ST6GALNAC3: variants seen among roughly 807,000 people sequenced by gnomAD.
The protein encoded by ST6GALNAC3 is ST6 N-acetylgalactosaminide alpha-2,6-sialyltransferase 3.
Under a neutral mutation model 32.7 loss-of-function variants are expected in ST6GALNAC3, and 25 were observed. That is an observed-to-expected ratio of 0.76 (90% CI 0.56 to 1.07). The LOEUF (loss-of-function observed/expected upper bound fraction) is 1.07. ST6GALNAC3 is among the 50% of genes least tolerant of loss of function. The pLI, the probability that ST6GALNAC3 is intolerant of heterozygous loss-of-function variation, is 0.00. For synonymous variants in ST6GALNAC3, 129 were observed against 133.1 expected (o/e 0.97, Z 0.21); for missense variants, 355 against 382.4 (o/e 0.93, Z 0.60).
chr1:76,239,124 T>G (rs1449898581), intron 1 of ST6GALNAC3, among the ~76,000 whole-genome samples: 1 of 151,840 alleles, frequency 6.6e-6, no homozygotes, highest in East Asian at 1.9e-4. Context: ...CCTCTTGTCC[T>G]TTTCGCTTCT....
At chr1:76,121,055 CA>C (rs1285108224) in intron 1 of ST6GALNAC3, among the ~76,000 whole-genome samples, 1 of 152,190 alleles carries the variant, frequency 6.6e-6, no homozygotes, top group Non-Finnish European at 1.5e-5. Flanking sequence ...ACTCTGCTTC[CA>C]GCTTTCCCTT....
At chr1:76,309,134 C>T (rs1260566204) in intron 1 of ST6GALNAC3, among the ~76,000 whole-genome samples, 2 of 152,184 alleles carry the variant, frequency 1.3e-5, no homozygotes, top group Non-Finnish European at 2.9e-5. Flanking sequence ...TACCCTTCCT[C>T]TGGCCTCCCA....
At chr1:76,303,370 T>G (rs572463196) in intron 1 of ST6GALNAC3, among the ~76,000 whole-genome samples, 2 of 152,118 alleles carry the variant, frequency 1.3e-5, no homozygotes, top group Non-Finnish European at 1.5e-5. Context: ...TTTTGTTACC[T>G]AGCCAGTGGA....
rs1168423947 is a variant in ST6GALNAC3, at chr1:76,633,698, A to C, written c.*4892A>C. The stretch of plus-strand genomic sequence containing the variant: ...AACACCACCCTTTGGGTTCATGCTC[A>C]TCCCTGCACTCCATGTGACCTTTGA... On this transcript the variant is annotated 3_prime_UTR_variant, in exon 5 of 5. Coordinates refer to ENST00000328299, the MANE Select transcript of ST6GALNAC3 (RefSeq NM_152996.4). 1 of 152,210 alleles carries C rather than the reference A, an allele frequency of 6.6e-6. No individual in the cohort carries two copies. Among genetic ancestry groups the C allele is most frequent in the African/African-American group, 2.4e-5 (1 of 41,448 alleles). The allele number at this position is 152,210 out of a possible 1,614,324, so 9.4% of individuals were successfully genotyped here. A position where few individuals can be genotyped will look rare whatever the true frequency, so the allele number is the denominator to read the frequency against.
intron 1 of ST6GALNAC3, among the ~76,000 whole-genome samples, chr1:76,312,719 A>C (rs1333884048): frequency 6.6e-6 from 1 of 152,160 alleles, no homozygotes; most frequent in Non-Finnish European, 1.5e-5. Context: ...TCCATCACCT[A>C]GCAAACTTAG....
chr1:76,462,537 A>T (rs182887944), intron 3 of ST6GALNAC3, among the ~76,000 whole-genome samples: 5,504 of 147,046 alleles, frequency 0.037, 343 homozygotes, highest in African/African-American at 0.13. Flanking sequence ...TTTTTTTTTT[A>T]AATGAAGAGA....
chr1:76,126,894 T>C (rs1194612439), intron 1 of ST6GALNAC3, among the ~76,000 whole-genome samples: 2 of 152,236 alleles, frequency 1.3e-5, no homozygotes, highest in African/African-American at 4.8e-5. Flanking sequence ...ACCAGGGTCG[T>C]TGATAAATAT....
chr1:76,398,889 T>C (rs950416885), intron 2 of ST6GALNAC3, among the ~76,000 whole-genome samples: 12 of 152,216 alleles, frequency 7.9e-5, no homozygotes, highest in Non-Finnish European at 1.8e-4. Context: ...ACTTTAACTT[T>C]TAATTAACAA....
At chr1:76,523,287 AT>A (rs113136593) in intron 3 of ST6GALNAC3, among the ~76,000 whole-genome samples, 125 of 151,940 alleles carry the variant, frequency 8.2e-4, no homozygotes, top group Non-Finnish European at 1.5e-3. Context: ...CATGTTATTC[AT>A]TTTTTTTATA....
At chr1:76,105,800 G>A (rs958275062) in intron 1 of ST6GALNAC3, among the ~76,000 whole-genome samples, 19 of 152,140 alleles carry the variant, frequency 1.2e-4, no homozygotes, top group Admixed American at 9.2e-4. Context: ...TGGATTGCTA[G>A]TGCTATTACC....
chr1:76,503,570 A>AT (rs934780323), intron 3 of ST6GALNAC3, among the ~76,000 whole-genome samples: 3 of 152,252 alleles, frequency 2.0e-5, no homozygotes, highest in Middle Eastern at 3.4e-3. Flanking sequence ...AATTCTTAAT[A>AT]TTTTTTTCCC....
At chr1:76,499,237 G>C (rs1196361271) in intron 3 of ST6GALNAC3, among the ~76,000 whole-genome samples, 1 of 152,188 alleles carries the variant, frequency 6.6e-6, no homozygotes, top group African/African-American at 2.4e-5. Context: ...AAAAACTGTT[G>C]GTGGGAGTAT....
At chr1:76,362,332 C>T (rs1451229533) in intron 2 of ST6GALNAC3, among the ~76,000 whole-genome samples, 1 of 152,168 alleles carries the variant, frequency 6.6e-6, no homozygotes, top group East Asian at 1.9e-4. Context: ...CAGACCCCAT[C>T]TGCAATATGA....
chr1:76,370,374 C>A (rs1650721538), intron 2 of ST6GALNAC3, among the ~76,000 whole-genome samples: 1 of 152,160 alleles, frequency 6.6e-6, no homozygotes, highest in African/African-American at 2.4e-5. Context: ...ACTCATCCAT[C>A]TTTCAATTTA....
chr1:76,129,388 G>C (rs956231130), intron 1 of ST6GALNAC3, among the ~76,000 whole-genome samples: 2 of 152,140 alleles, frequency 1.3e-5, no homozygotes, highest in Admixed American at 6.5e-5. Flanking sequence ...GCCTAATCAG[G>C]TGACTGCCTG....
intron 1 of ST6GALNAC3, among the ~76,000 whole-genome samples, chr1:76,312,567 C>T (rs1455985438): frequency 6.7e-6 from 1 of 148,264 alleles, no homozygotes; most frequent in Non-Finnish European, 1.5e-5. Context: ...AGAACTTAAA[C>T]AAATTTACAA....
At chr1:76,078,530 T>A (rs1571093815) in intron 1 of ST6GALNAC3, among the ~76,000 whole-genome samples, 1 of 152,190 alleles carries the variant, frequency 6.6e-6, no homozygotes, top group South Asian at 2.1e-4. Flanking sequence ...ATGGCTCCAC[T>A]CCTTATTGAT....
chr1:76,139,259 C>T (rs1650158376), intron 1 of ST6GALNAC3, among the ~76,000 whole-genome samples: 1 of 151,334 alleles, frequency 6.6e-6, no homozygotes, highest in Non-Finnish European at 1.5e-5. Context: ...AACATAAGCA[C>T]ACATATATGC....
intron 1 of ST6GALNAC3, among the ~76,000 whole-genome samples, chr1:76,178,547 G>C (rs1652983960): frequency 6.6e-6 from 1 of 152,166 alleles, no homozygotes; most frequent in Non-Finnish European, 1.5e-5. Flanking sequence ...CAGTGCCTCG[G>C]ATGTGGGCCT....
Sources: gnomAD v4.1 joint callset for allele counts (sites outside exome capture counted in the v4.1 genomes callset) on GRCh38, gnomAD v4.1.1 for gene constraint, MANE v1.5 for transcripts, NCBI Gene and HGNC (gene_info 2026-07-23, HGNC 2026-07-21) for gene names.